The following POT1 variants were observed in gnomAD, a reference collection of about 807,000 sequenced individuals.
POT1 encodes protection of telomeres 1, also known as protection of telomeres protein 1.
A neutral mutation model predicts 78.5 loss-of-function variants in POT1; 47 were observed. The ratio of observed to expected loss-of-function variants is 0.60; its 90% CI spans 0.47 to 0.76. The LOEUF is 0.76. Among genes scored for constraint, POT1 ranks in the 30% least tolerant of loss-of-function variants. POT1 has a pLI of 0.00. For synonymous variants in POT1, 259 were observed against 260.7 expected (o/e 0.99, Z 0.06); for missense variants, 646 against 749.9 (o/e 0.86, Z 1.62).
At chr7:124,872,826 G>A (rs1386390384) in intron 6 of POT1, among the ~76,000 whole-genome samples, 2 of 152,164 alleles carry the variant, frequency 1.3e-5, no homozygotes, top group Non-Finnish European at 2.9e-5. Flanking sequence ...CACGTACAAC[G>A]TGCAAATGTT....
intron 6 of POT1, among the ~76,000 whole-genome samples, chr7:124,876,428 G>C (rs1218619043): frequency 2.0e-5 from 3 of 151,960 alleles, no homozygotes; most frequent in Admixed American, 2.0e-4. Context: ...AGAACTTAAA[G>C]CAAAAGGAAA....
At chr7:124,869,048 C>A (rs909673349) in intron 7 of POT1, among the ~76,000 whole-genome samples, 3 of 151,932 alleles carry the variant, frequency 2.0e-5, no homozygotes, top group Admixed American at 1.3e-4. Flanking sequence ...AAAGAAGTGG[C>A]TGAATTATTA....
chr7:124,827,757 C>T (rs1794666687), intron 16 of POT1, among the ~76,000 whole-genome samples: 1 of 152,150 alleles, frequency 6.6e-6, no homozygotes. Flanking sequence ...AGTTGACACC[C>T]TCACACCTGT....
At chr7:124,882,667 G>T (rs1046849994) in intron 6 of POT1, among the ~76,000 whole-genome samples, 1 of 149,700 alleles carries the variant, frequency 6.7e-6, no homozygotes, top group Admixed American at 6.7e-5. Flanking sequence ...TTAACTGAAT[G>T]AGTAAAAGAC....
At chr7:124,832,123 G>A (rs1451243575) in intron 15 of POT1, among the ~76,000 whole-genome samples, 2 of 151,132 alleles carry the variant, frequency 1.3e-5, no homozygotes, top group East Asian at 1.9e-4. Context: ...GCCAGGTGTG[G>A]TGGTGTGCAC....
chr7:124,855,136 C>G (rs1326455976), intron 9 of POT1, among the ~76,000 whole-genome samples: 1 of 146,102 alleles, frequency 6.8e-6, no homozygotes, highest in African/African-American at 2.5e-5. Context: ...GGGGCTTTAC[C>G]CTATCAAAAA....
chr7:124,826,907 C>T (rs1037199720), intron 17 of POT1, among the ~76,000 whole-genome samples: 26 of 142,260 alleles, frequency 1.8e-4, no homozygotes, highest in Non-Finnish European at 6.2e-5. Flanking sequence ...AACAAAAGTA[C>T]GATAAAATGT....
intron 9 of POT1, among the ~76,000 whole-genome samples, chr7:124,855,690 A>AT (rs1443596606): frequency 6.6e-6 from 1 of 151,776 alleles, no homozygotes; most frequent in Non-Finnish European, 1.5e-5. Flanking sequence ...TAAAAAAAAA[A>AT]GCAAAGTAAA....
intron 2 of POT1, among the ~76,000 whole-genome samples, chr7:124,917,425 A>C (rs1185607954): frequency 1.3e-5 from 2 of 152,120 alleles, no homozygotes; most frequent in African/African-American, 2.4e-5. Context: ...GAAGCACCAA[A>C]AACAACAACA....
At chr7:124,858,729 C>T (rs1795506446) in intron 9 of POT1, 1 of 303,946 alleles carries the variant, frequency 3.3e-6, no homozygotes, top group Non-Finnish European at 5.9e-6. Flanking sequence ...ATTATGTATA[C>T]CTTTAAGACA....
intron 6 of POT1, among the ~76,000 whole-genome samples, chr7:124,890,087 T>C (rs565189766): frequency 7.1e-4 from 108 of 152,034 alleles, no homozygotes; most frequent in African/African-American, 2.5e-3. Flanking sequence ...CTAGATGACA[T>C]CAAGAACATG....
chr7:124,885,183 T>C (rs1354098287), intron 6 of POT1, among the ~76,000 whole-genome samples: 1 of 149,188 alleles, frequency 6.7e-6, no homozygotes, highest in Non-Finnish European at 1.5e-5. Flanking sequence ...GGGCTTGGTA[T>C]GGTGGTTCAC....
intron 6 of POT1, among the ~76,000 whole-genome samples, chr7:124,873,835 T>C (rs1169053747): frequency 1.3e-5 from 2 of 152,078 alleles, no homozygotes; most frequent in Non-Finnish European, 2.9e-5. Flanking sequence ...GAAGAAAATA[T>C]CAACATATTT....
chr7:124,829,973 C>G (rs1242024281), intron 15 of POT1, among the ~76,000 whole-genome samples: 1 of 152,138 alleles, frequency 6.6e-6, no homozygotes, highest in Admixed American at 6.5e-5. Context: ...ACTGGGATTA[C>G]AGGTGTGAGC....
intron 2 of POT1, among the ~76,000 whole-genome samples, chr7:124,924,156 CAA>C (rs35845455): frequency 8.1e-6 from 1 of 123,428 alleles, no homozygotes; most frequent in African/African-American, 3.0e-5. Flanking sequence ...AACAAAAATC[CAA>C]AAAAAAAAAA....
chr7:124,878,882 AAAGAT>A (rs2116591545), intron 6 of POT1, among the ~76,000 whole-genome samples: 1 of 152,226 alleles, frequency 6.6e-6, no homozygotes, highest in Non-Finnish European at 1.5e-5. Context: ...AATTATGACA[AAAGAT>A]AAGTAAAGGT....
At chr7:124,927,453 T>C (rs1797301284) in intron 2 of POT1, among the ~76,000 whole-genome samples, 2 of 152,210 alleles carry the variant, frequency 1.3e-5, no homozygotes, top group East Asian at 3.8e-4. Flanking sequence ...GGAGAGAACA[T>C]ATACAAAGAG....
intron 6 of POT1, among the ~76,000 whole-genome samples, chr7:124,878,203 G>A (rs1008058229): frequency 5.9e-5 from 9 of 151,866 alleles, no homozygotes; most frequent in African/African-American, 1.2e-4. Context: ...GTGGTGGTGC[G>A]TGCCTGTAAT....
Position 124,863,758 on chromosome 7 carries a change from C to A in POT1, c.256-118G>T, listed in dbSNP as rs1645980720. 4 of 779,946 alleles carry A rather than the reference C, an allele frequency of 5.1e-6. No individual in the cohort carries two copies. The South Asian group carries it at 5.6e-5, about 11-fold the overall frequency. The allele number at this position is 779,946 out of a possible 1,614,324, so 48.3% of individuals were successfully genotyped here. A position where few individuals can be genotyped will look rare whatever the true frequency, so the allele number is the denominator to read the frequency against. On this transcript the variant is annotated intron_variant, in intron 7 of 18. Transcript: ENST00000357628. ...TTTTGCCAGCATAATTAAGAGAGGG[C>A]ATTTTTTAAAAACTATTTTTCATTT...
Sources: gnomAD v4.1 joint callset for allele counts (sites outside exome capture counted in the v4.1 genomes callset) on GRCh38, gnomAD v4.1.1 for gene constraint, MANE v1.5 for transcripts, NCBI Gene and HGNC (gene_info 2026-07-23, HGNC 2026-07-21) for gene names.